Variants in ARHGEF12 observed in about 807,000 individuals in gnomAD.
ARHGEF12 encodes the protein Rho guanine nucleotide exchange factor 12.
Under a neutral mutation model 211.2 loss-of-function variants are expected in ARHGEF12, and 66 were observed. That is an observed-to-expected ratio of 0.31 (90% CI 0.26 to 0.38). ARHGEF12 has a LOEUF of 0.38. Among genes scored for constraint, ARHGEF12 ranks in the 10% least tolerant of loss-of-function variants. The pLI is 1.00. For missense variants in ARHGEF12, 1,429 were observed against 1,869.5 expected, an observed-to-expected ratio of 0.76 and a Z score of 4.34; for synonymous variants, 592 against 638.4, an observed-to-expected ratio of 0.93 and a Z score of 1.09.
At position 120,480,017 on chromosome 11, in the gene ARHGEF12, A is replaced by T; in HGVS notation, c.3824A>T (p.Gln1275Leu). The change falls in exon 38 of 41, where the codon CAG (glutamine) becomes CTG (leucine). Residue 1275 changes from glutamine to leucine, a missense_variant. By Grantham distance (113) the Gln-to-Leu change is moderately radical. Transcript: ENST00000397843. ...CTAGGTTTGACTGAGAAGAGCGTTC[A>T]GGAAGACTGGCAACATTTCCCAAGA... The part of the protein sequence containing the change: ...QQLGLTEKSV[Q>L]EDWQHFPRYR... 1 of 1,614,164 alleles carries T rather than the reference A, an allele frequency of 6.2e-7. No homozygotes were observed. Among genetic ancestry groups the T allele is most frequent in the Non-Finnish European group, 8.5e-7 (1 of 1,180,024 alleles).
chr11:120,437,762 C>T (rs1407406670), intron 12 of ARHGEF12, among the ~76,000 whole-genome samples: 1 of 152,166 alleles, frequency 6.6e-6, no homozygotes, highest in Non-Finnish European at 1.5e-5. Context: ...TGGCAGCCAC[C>T]ATTCTACTTT....
chr11:120,432,174 G>A (rs779085960), intron 11 of ARHGEF12, among the ~76,000 whole-genome samples: 4 of 152,148 alleles, frequency 2.6e-5, no homozygotes, highest in Non-Finnish European at 4.4e-5. Flanking sequence ...CTTGTTCGTG[G>A]GTAGAGAAGT....
intron 22 of ARHGEF12, among the ~76,000 whole-genome samples, chr11:120,454,868 T>G (rs976268491): frequency 2.0e-5 from 3 of 152,146 alleles, no homozygotes; most frequent in Admixed American, 6.5e-5. Context: ...CTTTTCTGAC[T>G]TAGTCTCTAT....
intron 1 of ARHGEF12, 64 bp downstream of exon 1, chr11:120,337,339 G>C (rs1591469916): frequency 6.2e-7 from 1 of 1,610,544 alleles, no homozygotes; most frequent in East Asian, 2.2e-5. Flanking sequence ...AGGGGAGTCG[G>C]TGATTGCAGA....
chr11:120,347,155 C>CTTTCTTTCTTTCTTTCTTT (rs1165675932), intron 1 of ARHGEF12, among the ~76,000 whole-genome samples: 2 of 69,170 alleles, frequency 2.9e-5, no homozygotes, highest in African/African-American at 6.5e-5. Flanking sequence ...TTCCTTCCTT[C>CTTTCTTTCTTTCTTTCTTT]CTTCCTTCCT....
At chr11:120,342,005 A>G (rs2135238368) in intron 1 of ARHGEF12, among the ~76,000 whole-genome samples, 2 of 152,336 alleles carry the variant, frequency 1.3e-5, no homozygotes, top group East Asian at 3.8e-4. Flanking sequence ...TGCTTCTGTC[A>G]TTTACACTTT....
At chr11:120,368,003 A>G (rs1943477770) in intron 1 of ARHGEF12, among the ~76,000 whole-genome samples, 1 of 152,148 alleles carries the variant, frequency 6.6e-6, no homozygotes, top group South Asian at 2.1e-4. Context: ...ATAAAAGATA[A>G]AATAAGACCG....
chr11:120,449,083 T>G, intron 20 of ARHGEF12, 26 bp from the exon 21 acceptor site: 1 of 1,592,008 alleles, frequency 6.3e-7, no homozygotes, highest in Non-Finnish European at 8.6e-7. Context: ...GTTACGTATC[T>G]CTTATTTTTT....
intron 1 of ARHGEF12, among the ~76,000 whole-genome samples, chr11:120,389,164 C>T (rs1423203934): frequency 6.6e-6 from 1 of 152,216 alleles, no homozygotes; most frequent in Non-Finnish European, 1.5e-5. Context: ...AGCCACCATG[C>T]CCGGCCATAA....
At chr11:120,477,334 C>T (rs540137129) in intron 35 of ARHGEF12, 29 bp downstream of exon 35, 1 of 1,609,020 alleles carries the variant, frequency 6.2e-7, no homozygotes, top group South Asian at 1.1e-5. Flanking sequence ...TGTAGTAGGA[C>T]TTATTTTATG....
At chr11:120,432,447 A>C (rs143905555) in intron 11 of ARHGEF12, among the ~76,000 whole-genome samples, 64 of 152,364 alleles carry the variant, frequency 4.2e-4, no homozygotes, top group African/African-American at 1.5e-3. Context: ...TTTAAGCTGA[A>C]TATGATGTAA....
At chr11:120,346,355 C>T (rs1942718093) in intron 1 of ARHGEF12, among the ~76,000 whole-genome samples, 1 of 152,240 alleles carries the variant, frequency 6.6e-6, no homozygotes, top group Non-Finnish European at 1.5e-5. Context: ...GCTCAAGGAG[C>T]ATCCCCTGTC....
At chr11:120,455,387 T>C (rs1479247971) in intron 22 of ARHGEF12, among the ~76,000 whole-genome samples, 1 of 152,192 alleles carries the variant, frequency 6.6e-6, no homozygotes, top group East Asian at 1.9e-4. Flanking sequence ...TGCATCACAT[T>C]CCTCATCATA....
At chr11:120,411,321 T>G (rs1477436984) in intron 4 of ARHGEF12, 1 of 152,134 alleles carries the variant, frequency 6.6e-6, no homozygotes, top group African/African-American at 2.4e-5. Context: ...TACAAATATT[T>G]TATCACCTGT....
Position 120,481,798 on chromosome 11 carries a change from C to G in ARHGEF12, c.4554+222C>G, listed in dbSNP as rs180915409. ...TTTTTGAGACGGAGTCTCGCTCTGT[C>G]AACCAGGCTAGAGTGCAGTGGCGTG... On this transcript the variant is annotated intron_variant, in intron 39 of 40. Coordinates refer to ENST00000397843, the MANE Select transcript of ARHGEF12 (RefSeq NM_015313.3). Among the ~76,000 whole-genome samples the G allele has an allele frequency of 4.0e-3, 572 of 143,656 alleles. 3 individuals are homozygous for G. The highest frequency in any genetic ancestry group is 0.013 in the African/African-American group (508 of 38,566). 94.2% of individuals were successfully genotyped at this position (143,656 alleles called of 152,430 possible).
chr11:120,354,795 A>G (rs1009910016), intron 1 of ARHGEF12, among the ~76,000 whole-genome samples: 4 of 152,204 alleles, frequency 2.6e-5, no homozygotes, highest in Non-Finnish European at 5.9e-5. Flanking sequence ...GAATTTTACT[A>G]GGTTTGGGAT....
Position 120,449,102 on chromosome 11 carries a change from A to C in ARHGEF12, c.1738-7A>C. 3 of 1,611,606 alleles carry C rather than the reference A, an allele frequency of 1.9e-6. No individual in the cohort carries two copies. The South Asian group carries it at 3.3e-5, about 18-fold the overall frequency. ...CGTATCTCTTATTTTTTGTACTTCA[A>C]CTCTAGCAAAGTATGAAGAAAGATA... On this transcript the variant is annotated splice_polypyrimidine_tract_variant and splice_region_variant and intron_variant, in intron 20 of 40. Transcript: ENST00000397843.
chr11:120,472,965 T>C, intron 30 of ARHGEF12, 85 bp from the exon 31 acceptor site: 1 of 1,368,838 alleles, frequency 7.3e-7, no homozygotes. Context: ...AAAATGGAGA[T>C]TTTAAATGCC....
chr11:120,473,454 A>T (rs1386620136), intron 31 of ARHGEF12, among the ~76,000 whole-genome samples: 1 of 152,086 alleles, frequency 6.6e-6, no homozygotes, highest in Non-Finnish European at 1.5e-5. Flanking sequence ...CCAGGCTGGA[A>T]TGCAGTGGTG....
Sources: allele counts gnomAD v4.1 joint callset (sites outside exome capture counted in the v4.1 genomes callset), GRCh38; gene constraint gnomAD v4.1.1; transcripts MANE v1.5; gene names NCBI Gene and HGNC (gene_info 2026-07-23, HGNC 2026-07-21).